The following TULP4 variants were observed in gnomAD, a reference collection of about 807,000 sequenced individuals.
The protein encoded by TULP4 is TUB like protein 4.
TULP4 carries 16 observed loss-of-function variants against 129.0 expected under a neutral mutation model. The observed-to-expected ratio is 0.12, with a 90% confidence interval of 0.08 to 0.19. The LOEUF is 0.19. TULP4 is among the 10% of genes least tolerant of loss of function. The pLI is 1.00. For synonymous variants in TULP4, 998 were observed against 854.0 expected (o/e 1.17, Z -2.94); for missense variants, 1,842 against 2,059.1 (o/e 0.89, Z 2.04).
intron 1 of TULP4, among the ~76,000 whole-genome samples, chr6:158,347,879 G>T (rs1780348504): frequency 6.6e-6 from 1 of 150,974 alleles, no homozygotes; most frequent in Admixed American, 6.6e-5. Flanking sequence ...TTTGATTTAA[G>T]AATCTATAAG....
intron 1 of TULP4, among the ~76,000 whole-genome samples, chr6:158,245,128 C>G (rs576994463): frequency 6.6e-6 from 1 of 151,348 alleles, no homozygotes; most frequent in East Asian, 1.9e-4. Flanking sequence ...GCTGGGACTA[C>G]GGGCACATAT....
chr6:158,296,644 G>T (rs889519414), intron 1 of TULP4, among the ~76,000 whole-genome samples: 2 of 151,522 alleles, frequency 1.3e-5, no homozygotes, highest in Non-Finnish European at 2.9e-5. Context: ...ATATTTCAAC[G>T]TAGGTTCTTT....
intron 1 of TULP4, among the ~76,000 whole-genome samples, chr6:158,410,118 T>C (rs767683781): frequency 9.9e-4 from 151 of 152,308 alleles, no homozygotes; most frequent in African/African-American, 3.1e-3. Flanking sequence ...CCTCCCAAAG[T>C]GCTGGGATTA....
intron 1 of TULP4, among the ~76,000 whole-genome samples, chr6:158,266,343 A>C (rs1778445541): frequency 6.6e-6 from 1 of 152,186 alleles, no homozygotes; most frequent in Non-Finnish European, 1.5e-5. Flanking sequence ...TGCAGCCTTG[A>C]CGTCCCGGGT....
chr6:158,375,525 G>C (rs1222552196), intron 1 of TULP4, among the ~76,000 whole-genome samples: 1 of 152,196 alleles, frequency 6.6e-6, no homozygotes, highest in Non-Finnish European at 1.5e-5. Context: ...ACAGGAGTGA[G>C]AGGTGTTTCC....
intron 1 of TULP4, among the ~76,000 whole-genome samples, chr6:158,353,756 G>T (rs1408869845): frequency 6.6e-6 from 1 of 152,158 alleles, no homozygotes; most frequent in Non-Finnish European, 1.5e-5. Context: ...TTAAATCTCT[G>T]TGAATAGATC....
intron 1 of TULP4, among the ~76,000 whole-genome samples, chr6:158,401,077 G>GTTGTTGTT (rs879657705): frequency 7.0e-6 from 1 of 142,582 alleles, no homozygotes; most frequent in African/African-American, 2.6e-5. Flanking sequence ...TGTTGTTGTT[G>GTTGTTGTT]TTGTTGTTTT....
At chr6:158,370,988 T>G (rs576281370) in intron 1 of TULP4, among the ~76,000 whole-genome samples, 23 of 152,324 alleles carry the variant, frequency 1.5e-4, no homozygotes, top group Non-Finnish European at 3.4e-4. Flanking sequence ...CACTGACCCC[T>G]CGTGCCAGTT....
chr6:158,345,467 A>G (rs2114768882), intron 1 of TULP4, among the ~76,000 whole-genome samples: 1 of 152,350 alleles, frequency 6.6e-6, no homozygotes, highest in Admixed American at 6.5e-5. Flanking sequence ...TCTGAGAAAT[A>G]AAGAGTACAA....
chr6:158,260,531 A>C (rs886359798), intron 1 of TULP4, among the ~76,000 whole-genome samples: 7 of 150,028 alleles, frequency 4.7e-5, no homozygotes, highest in African/African-American at 1.7e-4. Context: ...AGCAGAGATC[A>C]CGCCACTGCA....
At chr6:158,240,067 C>T (rs1332593273) in intron 1 of TULP4, among the ~76,000 whole-genome samples, 42 of 71,532 alleles carry the variant, frequency 5.9e-4, no homozygotes, top group Middle Eastern at 0.014. Context: ...CCCTCCCGGA[C>T]GGGGCGGCTG....
At chr6:158,236,889 C>G (rs865971290) in intron 1 of TULP4, among the ~76,000 whole-genome samples, 1 of 142,626 alleles carries the variant, frequency 7.0e-6, no homozygotes, top group South Asian at 2.3e-4. Context: ...TCTCGGCTCA[C>G]TGCAACCTCC....
chr6:158,361,732 A>C (rs1193362891), intron 1 of TULP4, among the ~76,000 whole-genome samples: 4 of 152,178 alleles, frequency 2.6e-5, no homozygotes, highest in Non-Finnish European at 5.9e-5. Context: ...TTTTCCTTCC[A>C]GAGAGAACAT....
At chr6:158,318,396 C>T (rs912575564) in intron 1 of TULP4, among the ~76,000 whole-genome samples, 5 of 152,162 alleles carry the variant, frequency 3.3e-5, no homozygotes, top group African/African-American at 4.8e-5. Context: ...GTGGGACTGT[C>T]GGTGTTAATA....
At chr6:158,239,152 C>T (rs1319200232) in intron 1 of TULP4, among the ~76,000 whole-genome samples, 1 of 116,274 alleles carries the variant, frequency 8.6e-6, no homozygotes, top group Admixed American at 8.0e-5. Context: ...CGCCCCTCAC[C>T]TCCCGGACGA....
chr6:158,305,575 C>T (rs9347225), intron 1 of TULP4, among the ~76,000 whole-genome samples: 151,232 of 151,718 alleles, frequency 1, 75,376 homozygotes, highest in Middle Eastern at 1. Flanking sequence ...CCTGGTGGTA[C>T]GCACCTGTAG....
At chr6:158,263,086 T>G (rs1168402579) in intron 1 of TULP4, among the ~76,000 whole-genome samples, 2 of 152,236 alleles carry the variant, frequency 1.3e-5, no homozygotes, top group Non-Finnish European at 2.9e-5. Context: ...CCCGTTTAAA[T>G]TACCTGTGGT....
intron 1 of TULP4, among the ~76,000 whole-genome samples, chr6:158,403,473 G>A (rs2114985358): frequency 6.6e-6 from 1 of 152,270 alleles, no homozygotes; most frequent in South Asian, 2.1e-4. Flanking sequence ...CCGAGTAGCT[G>A]GGATTACAGG....
intron 4 of TULP4, among the ~76,000 whole-genome samples, chr6:158,450,087 C>CA (rs1779133604): frequency 6.6e-6 from 1 of 152,114 alleles, no homozygotes; most frequent in Non-Finnish European, 1.5e-5. Flanking sequence ...GTTAACATGT[C>CA]ATCCTCCATG....
Sources: allele counts gnomAD v4.1 joint callset (sites outside exome capture counted in the v4.1 genomes callset), GRCh38; gene constraint gnomAD v4.1.1; transcripts MANE v1.5; gene names NCBI Gene and HGNC (gene_info 2026-07-23, HGNC 2026-07-21).